Variants in RIC3 observed in about 807,000 individuals in gnomAD.
RIC3 encodes the protein RIC3 acetylcholine receptor chaperone, also known as protein RIC-3.
Under a neutral mutation model 27.3 loss-of-function variants are expected in RIC3, and 28 were observed. The ratio of observed to expected loss-of-function variants is 1.02; its 90% CI spans 0.76 to 1.41. The LOEUF is 1.41. Ranked by LOEUF, RIC3 falls within the 40% of genes most tolerant of loss-of-function variation. RIC3 has a pLI of 0.00. For missense variants in RIC3, 501 were observed against 444.7 expected, an observed-to-expected ratio of 1.13 and a Z score of -1.14; for synonymous variants, 184 against 160.4, an observed-to-expected ratio of 1.15 and a Z score of -1.11.
chr11:8,095,393 C>A, the RIC3 span: 2 of 1,245,428 alleles, frequency 1.6e-6, no homozygotes, highest in Non-Finnish European at 2.2e-6. Context: ...TAAAGTTTTG[C>A]AGAGGGTTTC....
At chr11:8,100,600 A>G in the RIC3 span, 109 of 1,613,624 alleles carry the variant, frequency 6.8e-5, no homozygotes, top group East Asian at 2.0e-3. Context: ...CGCCCCCGCA[A>G]CGTGAGTGTC....
chr11:8,102,493 C>T (rs574498155), downstream of RIC3: 97 of 152,416 alleles, frequency 6.4e-4, no homozygotes, highest in African/African-American at 2.2e-3. Flanking sequence ...CCAGGAAACA[C>T]AAATGGGGTC....
chr11:8,138,396 G>T (rs1238703375), intron 2 of RIC3, 49 bp from the exon 3 acceptor site: 1 of 1,194,878 alleles, frequency 8.4e-7, no homozygotes, highest in South Asian at 1.3e-5. Context: ...CAGAACCTCA[G>T]TCACGGAACC....
chr11:8,097,358 A>G, the RIC3 span: 28 of 1,614,082 alleles, frequency 1.7e-5, no homozygotes, highest in Non-Finnish European at 2.4e-5. Flanking sequence ...ACTCGGGACA[A>G]GAAAGGGATG....
chr11:8,145,413 A>G (rs1036552818), intron 1 of RIC3, among the ~76,000 whole-genome samples: 1 of 152,062 alleles, frequency 6.6e-6, no homozygotes, highest in Non-Finnish European at 1.5e-5. Flanking sequence ...TTGTGCACAC[A>G]GGGGAAGATG....
the RIC3 span, chr11:8,096,765 A>G: frequency 6.2e-7 from 1 of 1,614,006 alleles, no homozygotes; most frequent in African/African-American, 1.3e-5. Context: ...GCTAAATAGT[A>G]ACACCCGCCC....
At chr11:8,102,069 T>TTTC (rs1387233850), downstream of RIC3, 4 of 165,630 alleles carry the variant, frequency 2.4e-5, no homozygotes, top group African/African-American at 9.5e-5. Flanking sequence ...AATGTGTGTA[T>TTTC]GTATGAAGGC....
intron 4 of RIC3, among the ~76,000 whole-genome samples, chr11:8,136,525 A>G (rs147708392): frequency 3.8e-4 from 58 of 152,250 alleles, no homozygotes; most frequent in African/African-American, 1.3e-3. Flanking sequence ...GTCCACTTCT[A>G]TCAACCTCCT....
downstream of RIC3, chr11:8,101,455 T>C (rs756260822): frequency 3.1e-6 from 5 of 1,606,384 alleles, no homozygotes; most frequent in African/African-American, 1.4e-5. Flanking sequence ...GTCCTGTCCT[T>C]TTCTCTGTCT....
At chr11:8,163,811 ATTT>A (rs35000979) in intron 1 of RIC3, among the ~76,000 whole-genome samples, 4 of 136,780 alleles carry the variant, frequency 2.9e-5, no homozygotes, top group Admixed American at 7.3e-5. Flanking sequence ...CCCAACTGGC[ATTT>A]TTTTTTTTTT....
At chr11:8,100,878 T>C in the RIC3 span, 6 of 1,614,130 alleles carry the variant, frequency 3.7e-6, no homozygotes, top group East Asian at 4.5e-5. Context: ...GAGAGTATCA[T>C]CGAGCTGCAA....
At chr11:8,124,326 T>A (rs1946781806) in intron 5 of RIC3, among the ~76,000 whole-genome samples, 1 of 152,070 alleles carries the variant, frequency 6.6e-6, no homozygotes, top group African/African-American at 2.4e-5. Flanking sequence ...CAGACCAATA[T>A]CCCTCACATA....
intron 1 of RIC3, among the ~76,000 whole-genome samples, chr11:8,163,068 C>CA (rs373544143): frequency 0.1 from 13,130 of 131,440 alleles, 594 homozygotes; most frequent in Middle Eastern, 0.14. Flanking sequence ...CACACACACA[C>CA]CCCCCAAAAC....
chr11:8,117,533 A>G (rs745754770), intron 5 of RIC3, among the ~76,000 whole-genome samples: 2 of 152,272 alleles, frequency 1.3e-5, no homozygotes, highest in Non-Finnish European at 2.9e-5. Flanking sequence ...AATGGTGGTT[A>G]TCAGAAGCTA....
intron 1 of RIC3, 66 bp from the exon 2 acceptor site, chr11:8,140,259 A>C: frequency 1.4e-6 from 2 of 1,427,970 alleles, no homozygotes; most frequent in Non-Finnish European, 1.9e-6. Context: ...TGAAAACACC[A>C]AATCATTAAG....
At chr11:8,124,615 AAAATAAAGACTTACTATAAAGACATAG>A (rs1946808486) in intron 5 of RIC3, among the ~76,000 whole-genome samples, 1 of 152,188 alleles carries the variant, frequency 6.6e-6, no homozygotes, top group Non-Finnish European at 1.5e-5. Context: ...TGAACTACCC[AAAATAAAGACTTACTATAAAGACATAG>A]TAATAAGGAC....
intron 1 of RIC3, among the ~76,000 whole-genome samples, chr11:8,149,019 A>C (rs1949983548): frequency 8.1e-6 from 1 of 124,036 alleles, no homozygotes; most frequent in East Asian, 2.4e-4. Context: ...TCTCTACTAA[A>C]AATACAAAAA....
At chr11:8,101,039 C>T in the RIC3 span, 1 of 1,610,670 alleles carries the variant, frequency 6.2e-7, no homozygotes, top group Non-Finnish European at 8.5e-7. Flanking sequence ...CGTAGGATAC[C>T]CAAGGCCCTT....
At chr11:8,155,218 TAAAAA>T (rs61400460) in intron 1 of RIC3, among the ~76,000 whole-genome samples, 79 of 121,010 alleles carry the variant, frequency 6.5e-4, no homozygotes, top group African/African-American at 2.3e-3. Flanking sequence ...GACCCCATCT[TAAAAA>T]AAAAAAAAAA....
Sources: allele counts gnomAD v4.1 joint callset (sites outside exome capture counted in the v4.1 genomes callset), GRCh38; gene constraint gnomAD v4.1.1; transcripts MANE v1.5; gene names NCBI Gene and HGNC (gene_info 2026-07-23, HGNC 2026-07-21).